Variants in CFAP299 observed in about 807,000 individuals in gnomAD.
The protein encoded by CFAP299 is cilia- and flagella-associated protein 299.
In CFAP299, 21 loss-of-function variants were observed where a neutral mutation model predicts 27.0. The observed-to-expected ratio is 0.78, with a 90% CI of 0.55 to 1.12. The LOEUF (loss-of-function observed/expected upper bound fraction) is 1.12, where lower values mean the gene tolerates loss of function less well. Ranked by LOEUF, CFAP299 falls within the 50% of genes most tolerant of loss-of-function variation. The pLI is 0.00. For synonymous variants in CFAP299, 104 were observed against 98.1 expected (o/e 1.06, Z -0.36); for missense variants, 310 against 276.6 (o/e 1.12, Z -0.86).
chr4:80,893,207 T>C (rs1560465985), intron 4 of CFAP299, among the ~76,000 whole-genome samples: 2 of 151,456 alleles, frequency 1.3e-5, no homozygotes, highest in Non-Finnish European at 2.9e-5. Flanking sequence ...CACTGAAAAT[T>C]ATGAAACATT....
At chr4:80,687,729 G>A (rs778833992) in intron 3 of CFAP299, among the ~76,000 whole-genome samples, 3 of 152,208 alleles carry the variant, frequency 2.0e-5, no homozygotes, top group Non-Finnish European at 2.9e-5. Flanking sequence ...AGCTCCCAGC[G>A]TGAGCGACGC....
chr4:80,850,155 T>C (rs1269229640), intron 3 of CFAP299, among the ~76,000 whole-genome samples: 16 of 152,104 alleles, frequency 1.1e-4, no homozygotes, highest in Non-Finnish European at 1.5e-4. Context: ...CTGTGGCTAA[T>C]GTTTATAAGG....
chr4:80,592,628 A>G (rs917023385), intron 3 of CFAP299, among the ~76,000 whole-genome samples: 4 of 152,230 alleles, frequency 2.6e-5, no homozygotes, highest in African/African-American at 9.6e-5. Context: ...ATAATAAATA[A>G]CAGAGCTAAT....
intron 3 of CFAP299, among the ~76,000 whole-genome samples, chr4:80,776,226 T>G (rs1475869218): frequency 1.3e-5 from 2 of 152,222 alleles, no homozygotes; most frequent in Admixed American, 1.3e-4. Flanking sequence ...ATTTTCACAA[T>G]TATTTTAGAA....
intron 3 of CFAP299, among the ~76,000 whole-genome samples, chr4:80,798,581 G>A (rs926252890): frequency 6.6e-6 from 1 of 152,068 alleles, no homozygotes; most frequent in East Asian, 1.9e-4. Flanking sequence ...ATTAGAGCTT[G>A]TGTCTTTTTT....
chr4:80,659,887 G>A (rs57757584), intron 3 of CFAP299, among the ~76,000 whole-genome samples: 38 of 152,184 alleles, frequency 2.5e-4, no homozygotes, highest in African/African-American at 9.1e-4. Context: ...CAGGATAAAT[G>A]ATAGAATTAT....
chr4:80,719,467 T>G (rs1337330265), intron 3 of CFAP299, among the ~76,000 whole-genome samples: 1 of 152,216 alleles, frequency 6.6e-6, no homozygotes, highest in Non-Finnish European at 1.5e-5. Context: ...CTGTACCATT[T>G]GTATTCCCAT....
intron 3 of CFAP299, among the ~76,000 whole-genome samples, chr4:80,828,617 T>C (rs986357049): frequency 2.3e-4 from 35 of 151,978 alleles, no homozygotes; most frequent in African/African-American, 7.2e-4. Context: ...CCCCCTACCC[T>C]GATTCTCTCT....
intron 2 of CFAP299, among the ~76,000 whole-genome samples, chr4:80,460,049 G>C (rs567092458): frequency 6.6e-6 from 1 of 152,170 alleles, no homozygotes; most frequent in Non-Finnish European, 1.5e-5. Flanking sequence ...AAGAATAGGG[G>C]CTTGAAGCAT....
intron 3 of CFAP299, among the ~76,000 whole-genome samples, chr4:80,724,634 A>G (rs1476843522): frequency 6.6e-6 from 1 of 152,004 alleles, no homozygotes; most frequent in Non-Finnish European, 1.5e-5. Flanking sequence ...AGTTGATTTT[A>G]TAATTGTTTA....
intron 2 of CFAP299, among the ~76,000 whole-genome samples, chr4:80,521,193 CA>C (rs1473076799): frequency 2.6e-5 from 4 of 152,128 alleles, no homozygotes; most frequent in African/African-American, 9.6e-5. Flanking sequence ...TAAACCGACA[CA>C]AAAAAATCAT....
chr4:80,893,459 A>G (rs1212272092), intron 4 of CFAP299, among the ~76,000 whole-genome samples: 3 of 151,928 alleles, frequency 2.0e-5, no homozygotes, highest in African/African-American at 7.2e-5. Context: ...CATTACACTG[A>G]GTGATTTCAA....
intron 3 of CFAP299, among the ~76,000 whole-genome samples, chr4:80,857,621 G>C (rs1389095479): frequency 2.6e-5 from 4 of 152,178 alleles, no homozygotes; most frequent in Non-Finnish European, 5.9e-5. Flanking sequence ...ATGAAGCGTT[G>C]TTGAATTTTG....
intron 3 of CFAP299, among the ~76,000 whole-genome samples, chr4:80,868,919 G>A (rs1205258977): frequency 6.6e-6 from 1 of 150,998 alleles, no homozygotes; most frequent in African/African-American, 2.4e-5. Context: ...GTGTGTGTGT[G>A]TGTGTGTGTG....
At chr4:80,952,028 ATTC>A (rs973571172) in intron 5 of CFAP299, among the ~76,000 whole-genome samples, 9 of 152,150 alleles carry the variant, frequency 5.9e-5, no homozygotes, top group Admixed American at 5.9e-4. Flanking sequence ...GGTTTTACGC[ATTC>A]TTTGCTATTA....
intron 3 of CFAP299, among the ~76,000 whole-genome samples, chr4:80,721,901 C>T (rs893307906): frequency 2.0e-5 from 3 of 152,022 alleles, no homozygotes; most frequent in African/African-American, 7.2e-5. Context: ...TTTTGTCAAA[C>T]CTACGAAATT....
intron 3 of CFAP299, among the ~76,000 whole-genome samples, chr4:80,760,743 G>A (rs540647821): frequency 1.3e-5 from 2 of 152,236 alleles, no homozygotes; most frequent in African/African-American, 4.8e-5. Context: ...TAAGAAACAT[G>A]TAAAGTAAAA....
At chr4:80,920,827 C>G (rs1736005812) in intron 4 of CFAP299, among the ~76,000 whole-genome samples, 2 of 151,988 alleles carry the variant, frequency 1.3e-5, no homozygotes, top group South Asian at 4.1e-4. Context: ...GATTTTTATT[C>G]TGGACTATGT....
At chr4:80,626,057 C>A (rs6535060) in intron 3 of CFAP299, among the ~76,000 whole-genome samples, 1,546 of 151,968 alleles carry the variant, frequency 0.01, 10 homozygotes, top group Non-Finnish European at 0.016. Flanking sequence ...ATATGCCCAA[C>A]ATTTCACCCC....
Sources: gnomAD v4.1 joint callset for allele counts (sites outside exome capture counted in the v4.1 genomes callset) on GRCh38, gnomAD v4.1.1 for gene constraint, MANE v1.5 for transcripts, NCBI Gene and HGNC (gene_info 2026-07-23, HGNC 2026-07-21) for gene names.